ARMC3: variants seen among roughly 807,000 people sequenced by gnomAD.
ARMC3 encodes armadillo repeat containing 3, also known as armadillo repeat-containing protein 3.
A neutral mutation model predicts 90.3 loss-of-function variants in ARMC3; 74 were observed. The observed-to-expected ratio is 0.82, with a 90% CI of 0.68 to 0.99. The LOEUF (loss-of-function observed/expected upper bound fraction) is 0.99. Among genes scored for constraint, ARMC3 ranks in the 50% least tolerant of loss-of-function variants. The pLI is 0.00. For missense variants in ARMC3, 958 were observed against 1,042.8 expected, an observed-to-expected ratio of 0.92 and a Z score of 1.12; for synonymous variants, 334 against 361.8, an observed-to-expected ratio of 0.92 and a Z score of 0.87.
Position 23,030,719 on chromosome 10 carries a change from C to A in ARMC3, c.2169C>A (p.Phe723Leu). Residue 723 changes from phenylalanine (F) to leucine (L), a missense_variant, in exon 17 of 19, where the codon TTC becomes TTA. By Grantham distance (22) the Phe-to-Leu change is conservative. Coordinates refer to ENST00000298032, the MANE Select transcript of ARMC3 (RefSeq NM_173081.5). ...GGTGTCCTCCCTCTGACCCTGATTTCTCTATGTATGTGTATGAGGTGACCA... is the reference window on the plus strand; with the variant it reads ...GGTGTCCTCCCTCTGACCCTGATTTATCTATGTATGTGTATGAGGTGACCA... ...KEWCPPSDPD[F>L]SMYVYEVTKS... The A allele has an allele frequency of 1.2e-6, 2 of 1,613,848 alleles. No homozygotes were observed. The highest frequency in any genetic ancestry group is 1.7e-6 in the Non-Finnish European group (2 of 1,179,858).
At chr10:22,932,087 T>A in intron 2 of ARMC3, 43 bp downstream of exon 2, 1 of 1,526,360 alleles carries the variant, frequency 6.6e-7, no homozygotes, top group Non-Finnish European at 8.9e-7. Context: ...TAACAACCAG[T>A]TATAAAAATA....
chr10:23,025,842 A>G (rs1838695722), intron 16 of ARMC3, among the ~76,000 whole-genome samples: 1 of 152,142 alleles, frequency 6.6e-6, no homozygotes, highest in Non-Finnish European at 1.5e-5. Flanking sequence ...AAACCTCTGC[A>G]AAGATGACAA....
chr10:22,990,727 G>A (rs767330792), intron 10 of ARMC3, among the ~76,000 whole-genome samples: 34 of 152,056 alleles, frequency 2.2e-4, no homozygotes, highest in Non-Finnish European at 4.1e-4. Flanking sequence ...TCTCCACCCC[G>A]GCAACTTTTC....
intron 10 of ARMC3, among the ~76,000 whole-genome samples, chr10:22,993,147 C>G (rs1245907265): frequency 1.3e-5 from 2 of 152,176 alleles, no homozygotes; most frequent in Non-Finnish European, 2.9e-5. Context: ...CCCAAGGTCA[C>G]CCTTGATTCA....
chr10:23,005,869 AG>A (rs1837580768), intron 13 of ARMC3, among the ~76,000 whole-genome samples: 2 of 151,624 alleles, frequency 1.3e-5, no homozygotes, highest in Admixed American at 6.5e-5. Flanking sequence ...ATCTCAAAAA[AG>A]GGGGAAAAAA....
rs912888434 is a variant in ARMC3, at chr10:23,030,707, T to C, written c.2157T>C (p.Ser719=). 4 of 1,613,836 alleles carry C rather than the reference T, an allele frequency of 2.5e-6. No homozygotes were observed. The African/African-American group carries it at 5.3e-5, about 22-fold the overall frequency. ...CTGACAAAGAATGGTGTCCTCCCTC[T>C]GACCCTGATTTCTCTATGTATGTGT... ...GSSDKEWCPP[S]DPDFSMYVYE... The change falls in exon 17 of 19, where the codon TCT becomes TCC. Residue 719 remains serine, a synonymous_variant. Transcript: ENST00000298032.
chr10:23,024,061 A>G (rs1838616458), intron 16 of ARMC3, among the ~76,000 whole-genome samples: 1 of 152,200 alleles, frequency 6.6e-6, no homozygotes, highest in African/African-American at 2.4e-5. Flanking sequence ...TTATAATTAA[A>G]CTTCTGAAAT....
intron 10 of ARMC3, among the ~76,000 whole-genome samples, chr10:22,986,574 AAAAC>A (rs1564373603): frequency 6.9e-6 from 1 of 144,838 alleles, no homozygotes; most frequent in African/African-American, 2.6e-5. Flanking sequence ...AAAAAAAAAA[AAAAC>A]AAACCCAAAA....
At chr10:22,989,478 A>G (rs1315425482) in intron 10 of ARMC3, among the ~76,000 whole-genome samples, 1 of 148,692 alleles carries the variant, frequency 6.7e-6, no homozygotes, top group Non-Finnish European at 1.5e-5. Flanking sequence ...TTGACTTTGT[A>G]TAATAGATTT....
intron 2 of ARMC3, among the ~76,000 whole-genome samples, chr10:22,936,184 C>A (rs887121324): frequency 2.0e-5 from 3 of 152,074 alleles, no homozygotes; most frequent in Non-Finnish European, 4.4e-5. Context: ...AGGCCAGGGG[C>A]AGTGGGTCAC....
chr10:22,942,868 T>C (rs758396984), intron 2 of ARMC3, among the ~76,000 whole-genome samples: 2 of 152,208 alleles, frequency 1.3e-5, no homozygotes, highest in African/African-American at 2.4e-5. Flanking sequence ...ATACATTATA[T>C]AGCCATAAGA....
At chr10:22,959,019 G>A (rs373788224) in intron 4 of ARMC3, 51 bp from the exon 5 acceptor site, 169 of 1,427,812 alleles carry the variant, frequency 1.2e-4, no homozygotes, top group South Asian at 9.7e-4. Context: ...CACCACACCC[G>A]GCCTATTATT....
At chr10:22,998,912 T>G (rs981434026) in intron 11 of ARMC3, among the ~76,000 whole-genome samples, 4 of 152,248 alleles carry the variant, frequency 2.6e-5, no homozygotes, top group Non-Finnish European at 5.9e-5. Context: ...TATGCTGTTT[T>G]GGCATGCATA....
chr10:23,030,223 T>A (rs1029472926), intron 16 of ARMC3, among the ~76,000 whole-genome samples: 3 of 152,168 alleles, frequency 2.0e-5, no homozygotes, highest in Non-Finnish European at 2.9e-5. Flanking sequence ...CAGTCATTCC[T>A]CAGTATCCAT....
chr10:23,020,696 T>G (rs1442944751), intron 16 of ARMC3, among the ~76,000 whole-genome samples: 1 of 152,216 alleles, frequency 6.6e-6, no homozygotes. Flanking sequence ...CAGCTAATGC[T>G]GTTAGCATTT....
At chr10:22,957,823 G>A (rs934325042) in intron 4 of ARMC3, among the ~76,000 whole-genome samples, 3 of 152,074 alleles carry the variant, frequency 2.0e-5, no homozygotes, top group Non-Finnish European at 4.4e-5. Context: ...ACAAAAAAAG[G>A]AAAATTATAA....
chr10:23,020,354 C>T (rs1287450724), intron 16 of ARMC3, among the ~76,000 whole-genome samples: 1 of 152,216 alleles, frequency 6.6e-6, no homozygotes, highest in South Asian at 2.1e-4. Context: ...AGGCTGGTCT[C>T]GAACTCCTGA....
chr10:23,004,753 C>A (rs1386840950), intron 13 of ARMC3, among the ~76,000 whole-genome samples: 1 of 152,090 alleles, frequency 6.6e-6, no homozygotes, highest in East Asian at 1.9e-4. Flanking sequence ...AAACAGCTTG[C>A]CTAAAACTTG....
intron 8 of ARMC3, among the ~76,000 whole-genome samples, chr10:22,979,262 G>T (rs1204045932): frequency 6.6e-6 from 1 of 152,176 alleles, no homozygotes; most frequent in Non-Finnish European, 1.5e-5. Context: ...CCATCTTTAT[G>T]ATCTGTGTAA....
Sources: gnomAD v4.1 joint callset for allele counts (sites outside exome capture counted in the v4.1 genomes callset) on GRCh38, gnomAD v4.1.1 for gene constraint, MANE v1.5 for transcripts, NCBI Gene and HGNC (gene_info 2026-07-23, HGNC 2026-07-21) for gene names.